Variants in MAP3K7CL observed in about 807,000 individuals in gnomAD.
MAP3K7CL encodes the protein MAP3K7 C-terminal-like protein.
MAP3K7CL carries 16 observed loss-of-function variants against 18.6 expected under a neutral mutation model. The ratio of observed to expected loss-of-function variants is 0.86; its 90% CI spans 0.58 to 1.31. The LOEUF (loss-of-function observed/expected upper bound fraction) is 1.31. Among genes scored for constraint, MAP3K7CL ranks in the 50% most tolerant of loss-of-function variants. The probability of loss-of-function intolerance (pLI) is 0.00; values close to 1 mark genes in which losing one functional copy is unlikely to be tolerated. For missense variants in MAP3K7CL, 163 were observed against 174.4 expected (o/e 0.93, Z 0.37); for synonymous variants, 65 against 66.8 (o/e 0.97, Z 0.13).
chr21:29,148,445 T>C (rs1397829748), intron 2 of MAP3K7CL, among the ~76,000 whole-genome samples: 2 of 152,166 alleles, frequency 1.3e-5, no homozygotes, highest in African/African-American at 2.4e-5. Flanking sequence ...CTTGGATATT[T>C]TGACCCATAT....
chr21:29,099,928 A>G (rs2086193046), intron 4 of MAP3K7CL, among the ~76,000 whole-genome samples: 1 of 151,928 alleles, frequency 6.6e-6, no homozygotes, highest in Non-Finnish European at 1.5e-5. Context: ...CTAAAAATAC[A>G]AAAAATTAGC....
upstream of MAP3K7CL, chr21:29,128,110 C>A (rs1371894891): frequency 1.3e-5 from 2 of 152,184 alleles, no homozygotes; most frequent in Non-Finnish European, 2.9e-5. Context: ...AGAGACAGCA[C>A]AGATGTGGTA....
chr21:29,109,060 T>A lies in MAP3K7CL; in HGVS notation c.370+16479T>A. On this transcript the variant is annotated intron_variant, in intron 4 of 6. Transcript: ENST00000286791. ...ACTAGGTTGACATTCGTAACCTTCC[T>A]GGATCCTATCAGAGAAACCTTGTTC... The A allele has an allele frequency of 2.0e-6, 3 of 1,534,976 alleles. No individual in the cohort carries two copies. The Admixed American group carries it at 5.9e-5, about 30-fold the overall frequency.
intron 4 of MAP3K7CL, among the ~76,000 whole-genome samples, chr21:29,167,088 A>G (rs1284381690): frequency 6.6e-6 from 1 of 152,194 alleles, no homozygotes. Flanking sequence ...GATTCTAGCC[A>G]TCTGTAGTGG....
intron 2 of MAP3K7CL, among the ~76,000 whole-genome samples, chr21:29,135,318 G>T (rs1157889885): frequency 6.6e-6 from 1 of 152,110 alleles, no homozygotes; most frequent in Non-Finnish European, 1.5e-5. Context: ...ATGGCATCTT[G>T]AGTGGCTAGC....
chr21:29,167,538 GTT>G (rs11295373), intron 4 of MAP3K7CL, among the ~76,000 whole-genome samples: 65,464 of 150,160 alleles, frequency 0.44, 14,882 homozygotes, highest in African/African-American at 0.57. Flanking sequence ...GAGATTTTAA[GTT>G]TTTTTTTTTA....
chr21:29,078,117 C>T (rs2146461179), intron 1 of MAP3K7CL, among the ~76,000 whole-genome samples: 1 of 151,856 alleles, frequency 6.6e-6, no homozygotes, highest in Non-Finnish European at 1.5e-5. Flanking sequence ...TTTAATTTTC[C>T]CAATTCCCAT....
intron 4 of MAP3K7CL, among the ~76,000 whole-genome samples, chr21:29,160,869 G>A (rs1417784457): frequency 6.6e-6 from 1 of 152,204 alleles, no homozygotes; most frequent in African/African-American, 2.4e-5. Flanking sequence ...TATGATATGT[G>A]GCACCTAGAG....
rs151241119 is a variant in MAP3K7CL, at chr21:29,141,151, A to G, written c.70+7737A>G. ...AACCTAAGTCAGTCAAAATATTCTA[A>G]CAACAGGATAAATAGACACTCACAA... On this transcript the variant is annotated intron_variant, in intron 2 of 4. Transcript: ENST00000399928. Among the ~76,000 whole-genome samples the G allele has an allele frequency of 2.3e-3, 350 of 152,326 alleles. 1 individual carries two copies. Among genetic ancestry groups the G allele is most frequent in the African/African-American group, 8.0e-3 (332 of 41,560 alleles).
intron 1 of MAP3K7CL, among the ~76,000 whole-genome samples, chr21:29,090,467 G>A (rs1344197233): frequency 6.6e-6 from 1 of 151,838 alleles, no homozygotes; most frequent in Non-Finnish European, 1.5e-5. Context: ...TGCAAGCTCC[G>A]CCTCCTGGGT....
intron 2 of MAP3K7CL, among the ~76,000 whole-genome samples, chr21:29,145,154 A>C (rs750465161): frequency 2.6e-5 from 4 of 152,210 alleles, no homozygotes; most frequent in Non-Finnish European, 5.9e-5. Flanking sequence ...AAAATATGAT[A>C]AAGTGATTTG....
At chr21:29,162,084 G>A (rs925417419) in intron 4 of MAP3K7CL, among the ~76,000 whole-genome samples, 10 of 152,064 alleles carry the variant, frequency 6.6e-5, no homozygotes, top group African/African-American at 1.9e-4. Flanking sequence ...CACAGTTGGA[G>A]TCCTACAAAA....
chr21:29,097,179 G>T (rs971463301), intron 4 of MAP3K7CL, among the ~76,000 whole-genome samples: 1 of 151,998 alleles, frequency 6.6e-6, no homozygotes, highest in Non-Finnish European at 1.5e-5. Context: ...ATAATACTGG[G>T]CAGACAGAAC....
At chr21:29,165,895 G>T (rs1427346394) in intron 4 of MAP3K7CL, among the ~76,000 whole-genome samples, 1 of 152,168 alleles carries the variant, frequency 6.6e-6, no homozygotes, top group East Asian at 1.9e-4. Flanking sequence ...TGTAGTAATT[G>T]TACTTAGTTA....
rs566581726 is a variant in MAP3K7CL, at chr21:29,101,698, G to A, written c.370+9117G>A. On this transcript the variant is annotated intron_variant, in intron 4 of 6. Coordinates refer to the MAP3K7CL transcript ENST00000286791. ...GCTGGGATTACAGGCTTCAGGCACC[G>A]TGCCCGGCCACATTTAACATTTTTA... is the stretch of plus-strand genomic sequence containing the variant. Among the ~76,000 whole-genome samples the A allele has an allele frequency of 9.5e-4, 144 of 152,270 alleles. No individual in the cohort carries two copies. The Middle Eastern group carries it at 0.014, about 14-fold the overall frequency.
intron 1 of MAP3K7CL, among the ~76,000 whole-genome samples, chr21:29,090,312 A>G (rs2086001191): frequency 1.3e-5 from 2 of 152,192 alleles, no homozygotes; most frequent in African/African-American, 4.8e-5. Flanking sequence ...TCTTTCTTCT[A>G]CCAAATGTTA....
chr21:29,162,994 G>A (rs1244116949), intron 4 of MAP3K7CL, among the ~76,000 whole-genome samples: 1 of 151,814 alleles, frequency 6.6e-6, no homozygotes, highest in East Asian at 1.9e-4. Context: ...GCCTGTAATC[G>A]CAGCTACTCA....
intron 4 of MAP3K7CL, among the ~76,000 whole-genome samples, chr21:29,095,499 A>T (rs1039988314): frequency 5.9e-5 from 9 of 152,302 alleles, no homozygotes; most frequent in Admixed American, 2.6e-4. Flanking sequence ...GTTGTAGAAG[A>T]GAATAAAGAC....
chr21:29,123,586 A>G (rs2086634725), intron 4 of MAP3K7CL, among the ~76,000 whole-genome samples: 1 of 152,232 alleles, frequency 6.6e-6, no homozygotes, highest in South Asian at 2.1e-4. Context: ...GTAATTGTAG[A>G]TTTATAAATA....
Sources: gnomAD v4.1 joint callset for allele counts (sites outside exome capture counted in the v4.1 genomes callset) on GRCh38, gnomAD v4.1.1 for gene constraint, MANE v1.5 for transcripts, NCBI Gene and HGNC (gene_info 2026-07-23, HGNC 2026-07-21) for gene names.